SMYD3: variants seen among roughly 807,000 people sequenced by gnomAD.
The protein encoded by SMYD3 is histone-lysine N-methyltransferase SMYD3.
SMYD3 carries 36 observed loss-of-function variants against 57.7 expected under a neutral mutation model. That is an observed-to-expected ratio of 0.62 (90% CI 0.48 to 0.82). The LOEUF is 0.82. Ranked by LOEUF, SMYD3 falls within the 40% of genes least tolerant of loss-of-function variation. The pLI is 0.00. For missense variants in SMYD3, 515 were observed against 538.8 expected (o/e 0.96, Z 0.44); for synonymous variants, 211 against 195.0 (o/e 1.08, Z -0.68).
At chr1:245,946,927 G>A (rs889873233) in intron 5 of SMYD3, among the ~76,000 whole-genome samples, 3 of 152,010 alleles carry the variant, frequency 2.0e-5, no homozygotes, top group Non-Finnish European at 2.9e-5. Flanking sequence ...CCTGACTATT[G>A]GCCATATTTC....
At chr1:245,994,796 A>C (rs942954569) in intron 5 of SMYD3, among the ~76,000 whole-genome samples, 1 of 148,398 alleles carries the variant, frequency 6.7e-6, no homozygotes, top group Non-Finnish European at 1.5e-5. Flanking sequence ...AGATGAAGAA[A>C]CTTAAAAAAA....
intron 10 of SMYD3, among the ~76,000 whole-genome samples, chr1:245,823,182 G>GT (rs1396590485): frequency 6.6e-6 from 1 of 152,216 alleles, no homozygotes; most frequent in Non-Finnish European, 1.5e-5. Flanking sequence ...AATGTGACCA[G>GT]TAACAGGAAT....
intron 10 of SMYD3, among the ~76,000 whole-genome samples, chr1:245,833,073 A>AAACACAAC (rs1553337079): frequency 1.6e-5 from 2 of 128,652 alleles, no homozygotes; most frequent in Non-Finnish European, 1.6e-5. Flanking sequence ...AAAAAAAAAA[A>AAACACAAC]AACCTGCTTT....
Position 245,920,273 on chromosome 1 carries a change from A to G in SMYD3, c.703-4633T>C, listed in dbSNP as rs535680208. ...GCTTGCAGTGAGACGAGATCATGCC[A>G]CTGCACTCCAGCCTGGGCGACAGAG... On this transcript the variant is annotated intron_variant, in intron 7 of 11. Transcript: ENST00000490107. Among the ~76,000 whole-genome samples the G allele has an allele frequency of 4.0e-3, 578 of 145,748 alleles. 9 individuals are homozygous for G. Among genetic ancestry groups the G allele is most frequent in the Admixed American group, 0.024 (345 of 14,334 alleles).
chr1:245,977,110 G>A (rs1475500419), intron 5 of SMYD3, among the ~76,000 whole-genome samples: 1 of 152,172 alleles, frequency 6.6e-6, no homozygotes, highest in Non-Finnish European at 1.5e-5. Flanking sequence ...CTCATCTCAT[G>A]CTTGACCCCT....
At chr1:246,161,986 A>T (rs1204128909) in intron 5 of SMYD3, among the ~76,000 whole-genome samples, 1 of 152,154 alleles carries the variant, frequency 6.6e-6, no homozygotes, top group African/African-American at 2.4e-5. Flanking sequence ...AAGCTTGGAG[A>T]GTTTCAGGAA....
At chr1:246,377,391 C>T (rs866984162) in intron 1 of SMYD3, among the ~76,000 whole-genome samples, 39 of 134,994 alleles carry the variant, frequency 2.9e-4, no homozygotes, top group Admixed American at 5.4e-4. Flanking sequence ...TTTTTTGAGA[C>T]GGAGTTTCAC....
At chr1:246,411,352 T>C (rs1452436276) in intron 1 of SMYD3, among the ~76,000 whole-genome samples, 2 of 152,154 alleles carry the variant, frequency 1.3e-5, no homozygotes, top group Non-Finnish European at 2.9e-5. Context: ...TGTGGAGAAG[T>C]AGGAACACTT....
chr1:246,337,732 G>A (rs2065567892), intron 2 of SMYD3, among the ~76,000 whole-genome samples: 1 of 152,170 alleles, frequency 6.6e-6, no homozygotes, highest in African/African-American at 2.4e-5. Context: ...GACCTTAAGA[G>A]CAGATTTTAA....
At chr1:245,778,121 G>A (rs1478514103) in intron 10 of SMYD3, among the ~76,000 whole-genome samples, 1 of 152,128 alleles carries the variant, frequency 6.6e-6, no homozygotes, top group African/African-American at 2.4e-5. Flanking sequence ...TTGACTTAGT[G>A]AAACTGTAAT....
chr1:245,751,698 G>A (rs1168916395), intron 11 of SMYD3, among the ~76,000 whole-genome samples: 4 of 152,226 alleles, frequency 2.6e-5, no homozygotes, highest in African/African-American at 9.6e-5. Flanking sequence ...TCTGAGTCCA[G>A]TTGTGACCCC....
chr1:246,169,993 C>G (rs2062300519), intron 5 of SMYD3, among the ~76,000 whole-genome samples: 1 of 151,110 alleles, frequency 6.6e-6, no homozygotes, highest in Non-Finnish European at 1.5e-5. Context: ...TTTTGATTTT[C>G]AAGTTTTGAT....
intron 1 of SMYD3, among the ~76,000 whole-genome samples, chr1:246,472,107 A>T (rs1327019632): frequency 6.6e-6 from 1 of 152,212 alleles, no homozygotes; most frequent in African/African-American, 2.4e-5. Flanking sequence ...ATGAAAACCA[A>T]AGGTTAAATA....
intron 9 of SMYD3, among the ~76,000 whole-genome samples, chr1:245,863,192 T>C (rs1459411293): frequency 1.3e-5 from 2 of 152,218 alleles, no homozygotes; most frequent in Non-Finnish European, 2.9e-5. Context: ...GCGGCCTCCT[T>C]CTCAGCCTTG....
chr1:245,941,543 CAG>C (rs1440078369), intron 5 of SMYD3, among the ~76,000 whole-genome samples: 1 of 152,112 alleles, frequency 6.6e-6, no homozygotes, highest in Non-Finnish European at 1.5e-5. Context: ...TGTTTTGAGA[CAG>C]AGTCTCACTC....
chr1:246,247,444 AC>A (rs1159495999), intron 5 of SMYD3, among the ~76,000 whole-genome samples: 1 of 142,842 alleles, frequency 7.0e-6, no homozygotes, highest in African/African-American at 2.6e-5. Context: ...GAGAAGGATA[AC>A]TCTCTCTCTC....
chr1:246,193,043 G>A (rs2062766460), intron 5 of SMYD3, among the ~76,000 whole-genome samples: 2 of 152,158 alleles, frequency 1.3e-5, no homozygotes, highest in African/African-American at 4.8e-5. Context: ...TAAGAAAACA[G>A]AGAAGTCATA....
At chr1:245,830,476 C>T (rs1025535687) in intron 10 of SMYD3, among the ~76,000 whole-genome samples, 1 of 152,172 alleles carries the variant, frequency 6.6e-6, no homozygotes, top group African/African-American at 2.4e-5. Flanking sequence ...CTGCCCTTGA[C>T]ATGTGGGGAT....
chr1:246,374,855 G>GA (rs1433577429), intron 1 of SMYD3, among the ~76,000 whole-genome samples: 1 of 151,768 alleles, frequency 6.6e-6, no homozygotes, highest in East Asian at 1.9e-4. Context: ...CAGTTTGGGG[G>GA]GCCGAGGCAG....
Sources: allele counts gnomAD v4.1 joint callset (sites outside exome capture counted in the v4.1 genomes callset), GRCh38; gene constraint gnomAD v4.1.1; transcripts MANE v1.5; gene names NCBI Gene and HGNC (gene_info 2026-07-23, HGNC 2026-07-21).